Variants in QTRT2 observed in about 807,000 individuals in gnomAD.
The protein encoded by QTRT2 is queuine tRNA-ribosyltransferase domain containing 1.
A neutral mutation model predicts 44.8 loss-of-function variants in QTRT2; 32 were observed. The ratio of observed to expected loss-of-function variants is 0.71; its 90% CI spans 0.54 to 0.96. QTRT2 has a LOEUF of 0.96. Ranked by LOEUF, QTRT2 falls within the 40% of genes least tolerant of loss-of-function variation. The pLI is 0.00. For synonymous variants in QTRT2, 182 were observed against 187.4 expected, an observed-to-expected ratio of 0.97 and a Z score of 0.24; for missense variants, 461 against 503.1, an observed-to-expected ratio of 0.92 and a Z score of 0.80.
At chr3:114,081,384 C>G (rs528826883) in intron 8 of QTRT2, among the ~76,000 whole-genome samples, 14 of 152,270 alleles carry the variant, frequency 9.2e-5, no homozygotes, top group African/African-American at 3.1e-4. Flanking sequence ...GGGTCTCACT[C>G]TGTTGCCCAG....
intron 7 of QTRT2, chr3:114,078,409 G>A (rs1402286634): frequency 6.7e-6 from 1 of 150,036 alleles, no homozygotes; most frequent in Non-Finnish European, 1.5e-5. Flanking sequence ...GCATATATTT[G>A]TAAGAGTTCT....
chr3:114,069,936 A>G (rs945049133), intron 5 of QTRT2, among the ~76,000 whole-genome samples: 1 of 152,238 alleles, frequency 6.6e-6, no homozygotes, highest in Non-Finnish European at 1.5e-5. Flanking sequence ...TTTGGGATAC[A>G]TACATGAATT....
chr3:114,084,242 T>C (rs2077206210), intron 9 of QTRT2, among the ~76,000 whole-genome samples: 2 of 152,130 alleles, frequency 1.3e-5, no homozygotes, highest in Non-Finnish European at 2.9e-5. Context: ...TTTGTATTTT[T>C]AGTAGAGACG....
intron 6 of QTRT2, among the ~76,000 whole-genome samples, chr3:114,072,829 T>C (rs543749870): frequency 4.0e-4 from 61 of 152,284 alleles, no homozygotes; most frequent in African/African-American, 1.4e-3. Context: ...AAGATGAAGC[T>C]GTAGTGGTAA....
At chr3:114,080,884 C>T (rs2077157773) in intron 8 of QTRT2, among the ~76,000 whole-genome samples, 1 of 152,106 alleles carries the variant, frequency 6.6e-6, no homozygotes, top group Non-Finnish European at 1.5e-5. Flanking sequence ...AGCAACTTAA[C>T]CATTAATCTA....
chr3:114,069,986 G>A (rs185638252), intron 5 of QTRT2, among the ~76,000 whole-genome samples: 3 of 152,308 alleles, frequency 2.0e-5, no homozygotes, highest in Non-Finnish European at 4.4e-5. Context: ...GGTGTAATAA[G>A]TGCTATCATT....
chr3:114,074,325 C>T (rs890131651), intron 6 of QTRT2, among the ~76,000 whole-genome samples: 3 of 152,322 alleles, frequency 2.0e-5, no homozygotes, highest in Admixed American at 1.3e-4. Flanking sequence ...GCCTTTTGCT[C>T]TTATCACCAT....
rs966643274 is a variant in QTRT2, at chr3:114,064,157, G to A, written c.-21-1080G>A. 5.3e-5 allele frequency among the ~76,000 whole-genome samples: 8 copies of A among 152,258 alleles called. No homozygotes were observed. In the East Asian group the frequency reaches 1.5e-3, roughly 29 times the overall value. ...TTGAACCCGAGAAGCAGAGGTTACA[G>A]TGAGCTGAGATCGCTTCACTGCACT... On this transcript the variant is annotated intron_variant, in intron 2 of 9. Coordinates refer to ENST00000281273, the MANE Select transcript of QTRT2 (RefSeq NM_024638.4).
intron 2 of QTRT2, among the ~76,000 whole-genome samples, chr3:114,062,836 A>G (rs896263120): frequency 5.9e-5 from 9 of 152,260 alleles, no homozygotes; most frequent in Non-Finnish European, 1.3e-4. Context: ...GTTTTACCCA[A>G]TGAAGGTTCT....
intron 2 of QTRT2, among the ~76,000 whole-genome samples, chr3:114,060,494 AGG>A (rs1477934003): frequency 2.0e-4 from 26 of 133,164 alleles, no homozygotes; most frequent in African/African-American, 7.7e-4. Flanking sequence ...GTAGGTAGGT[AGG>A]TAGATAGATA....
intron 6 of QTRT2, among the ~76,000 whole-genome samples, chr3:114,073,621 C>A (rs942278464): frequency 6.6e-6 from 1 of 152,074 alleles, no homozygotes; most frequent in African/African-American, 2.4e-5. Context: ...CCTTTTCATT[C>A]GCCTGCCTCA....
At chr3:114,057,689 C>T (rs1238140946) in intron 2 of QTRT2, 1 of 152,054 alleles carries the variant, frequency 6.6e-6, no homozygotes, top group South Asian at 2.1e-4. Flanking sequence ...TCAGGAAAGA[C>T]GTCTAATGTT....
At chr3:114,068,401 A>G (rs1021203377) in intron 5 of QTRT2, 4 of 275,528 alleles carry the variant, frequency 1.5e-5, no homozygotes, top group African/African-American at 8.6e-5. Flanking sequence ...TAACAACTTC[A>G]GGAAGAGTGG....
chr3:114,057,134 G>A (rs574638240), intron 2 of QTRT2, 28 bp downstream of exon 2: 70 of 1,236,930 alleles, frequency 5.7e-5, no homozygotes, highest in Non-Finnish European at 7.1e-5. Context: ...TTTTTATTCC[G>A]AACTGCCCAT....
intron 2 of QTRT2, among the ~76,000 whole-genome samples, chr3:114,063,514 A>AC (rs2076914351): frequency 6.6e-6 from 1 of 152,076 alleles, no homozygotes; most frequent in Non-Finnish European, 1.5e-5. Flanking sequence ...TTAAAATATA[A>AC]CCTTTTTTTC....
intron 6 of QTRT2, among the ~76,000 whole-genome samples, chr3:114,073,834 A>G (rs1465823903): frequency 1.3e-5 from 2 of 152,106 alleles, no homozygotes; most frequent in African/African-American, 4.8e-5. Context: ...AGTTTCCCGA[A>G]TAGTCATGCT....
At chr3:114,069,794 G>A (rs2077001066) in intron 5 of QTRT2, among the ~76,000 whole-genome samples, 1 of 152,066 alleles carries the variant, frequency 6.6e-6, no homozygotes, top group Non-Finnish European at 1.5e-5. Context: ...TGGTAGTTTT[G>A]CTTTTAGCTC....
intron 7 of QTRT2, 132 bp downstream of exon 7, chr3:114,077,074 C>G: frequency 2.3e-6 from 2 of 851,074 alleles, no homozygotes; most frequent in Non-Finnish European, 3.7e-6. Context: ...TGGGCTGAGT[C>G]TGCTGAGGTG....
intron 2 of QTRT2, among the ~76,000 whole-genome samples, chr3:114,063,801 TA>T (rs1443912610): frequency 2.6e-5 from 4 of 152,040 alleles, no homozygotes; most frequent in Non-Finnish European, 4.4e-5. Flanking sequence ...TTATGTCTCC[TA>T]AAAAAAAGTA....
Sources: gnomAD v4.1 joint callset for allele counts (sites outside exome capture counted in the v4.1 genomes callset) on GRCh38, gnomAD v4.1.1 for gene constraint, MANE v1.5 for transcripts, NCBI Gene and HGNC (gene_info 2026-07-23, HGNC 2026-07-21) for gene names.